Variants in SERPINI1 observed in about 807,000 individuals in gnomAD.
SERPINI1 encodes serpin family I member 1.
A neutral mutation model predicts 41.1 loss-of-function variants in SERPINI1; 19 were observed. That is an observed-to-expected ratio of 0.46 (90% CI 0.32 to 0.68). SERPINI1 has a LOEUF of 0.68. SERPINI1 is among the 30% of genes least tolerant of loss of function. The pLI is 0.03. For missense variants in SERPINI1, 460 were observed against 479.2 expected, an observed-to-expected ratio of 0.96 and a Z score of 0.37; for synonymous variants, 138 against 156.6, an observed-to-expected ratio of 0.88 and a Z score of 0.89.
intron 5 of SERPINI1, among the ~76,000 whole-genome samples, chr3:167,798,767 T>A (rs1727796218): frequency 6.6e-6 from 1 of 152,100 alleles, no homozygotes; most frequent in African/African-American, 2.4e-5. Context: ...TTTTCTCACT[T>A]ATAAGTGGGA....
chr3:167,804,205 G>C (rs2108565576), intron 5 of SERPINI1, among the ~76,000 whole-genome samples: 1 of 152,206 alleles, frequency 6.6e-6, no homozygotes, highest in East Asian at 1.9e-4. Flanking sequence ...TTAGCACTCA[G>C]TTTAGTTTGT....
In SERPINI1 at chr3:167,764,746, G is replaced by A. The variant is rs1025624496; in HGVS notation, c.-18-24365G>A. On this transcript the variant is annotated intron_variant, in intron 1 of 8. Transcript: ENST00000446050. The stretch of plus-strand genomic sequence containing the variant: ...GACAAGGCAAGTCCCTTCTACCTAT[G>A]AGCTTGTAAAATCAAAAGCAGGTTA... 2.0e-5 allele frequency among the ~76,000 whole-genome samples: 3 copies of A among 152,188 alleles called. No homozygotes were observed. The East Asian group carries it at 5.8e-4, about 29-fold the overall frequency.
chr3:167,792,558 G>T (rs777559077), intron 3 of SERPINI1, 32 bp from the exon 4 acceptor site: 15 of 1,589,128 alleles, frequency 9.4e-6, no homozygotes, highest in Admixed American at 1.7e-5. Context: ...AGTTTAACAT[G>T]AATTTTTATC....
At chr3:167,740,405 C>T (rs1247191849) in intron 1 of SERPINI1, among the ~76,000 whole-genome samples, 2 of 152,160 alleles carry the variant, frequency 1.3e-5, no homozygotes, top group Non-Finnish European at 2.9e-5. Context: ...TCACCAGATA[C>T]TTAGTATCTT....
At chr3:167,804,070 T>C (rs1451312191) in intron 5 of SERPINI1, among the ~76,000 whole-genome samples, 1 of 152,204 alleles carries the variant, frequency 6.6e-6, no homozygotes, top group Non-Finnish European at 1.5e-5. Flanking sequence ...ACATTCTGTA[T>C]TTTCTTACTC....
intron 7 of SERPINI1, among the ~76,000 whole-genome samples, chr3:167,823,931 T>C (rs1394340214): frequency 6.6e-6 from 1 of 152,180 alleles, no homozygotes; most frequent in East Asian, 1.9e-4. Context: ...AGCCCAGTCA[T>C]AGGATACCTC....
chr3:167,823,899 G>A (rs1255040073), intron 7 of SERPINI1, among the ~76,000 whole-genome samples: 1 of 152,142 alleles, frequency 6.6e-6, no homozygotes, highest in Non-Finnish European at 1.5e-5. Context: ...ATCTTATAAT[G>A]AGGATCTCAG....
chr3:167,746,731 A>G (rs1471794305), intron 1 of SERPINI1, among the ~76,000 whole-genome samples: 3 of 152,238 alleles, frequency 2.0e-5, no homozygotes, highest in Admixed American at 6.5e-5. Context: ...TAGGATGACT[A>G]AAGTCAAAGA....
At position 167,790,467 on chromosome 3, in the gene SERPINI1, A is replaced by T. The variant is rs1315511320; in HGVS notation, c.346A>T (p.Asn116Tyr). The change falls in exon 3 of 9, where the codon AAT becomes TAT. Residue 116 changes from asparagine (N) to tyrosine (Y), a missense_variant. Coordinates refer to ENST00000446050, the MANE Select transcript of SERPINI1 (RefSeq NM_001122752.2). ...MKIANSLFVQ[N>Y]GFHVNEEFLQ... Reference sequence around the variant, plus strand: ...AATTGCCAATTCCTTGTTTGTGCAAAATGGATTTCATGTCAATGAGGAGTT... The same window carrying T: ...AATTGCCAATTCCTTGTTTGTGCAATATGGATTTCATGTCAATGAGGAGTT... 2 of 1,614,124 alleles carry T rather than the reference A, an allele frequency of 1.2e-6. No homozygotes were observed. Among genetic ancestry groups the T allele is most frequent in the Non-Finnish European group, 1.7e-6 (2 of 1,179,964 alleles).
chr3:167,811,047 C>CTGT (rs1442674159), intron 6 of SERPINI1, among the ~76,000 whole-genome samples: 1 of 152,028 alleles, frequency 6.6e-6, no homozygotes, highest in Admixed American at 6.6e-5. Context: ...AGTTCTCTTG[C>CTGT]TGTTTCTACC....
intron 1 of SERPINI1, among the ~76,000 whole-genome samples, chr3:167,773,045 C>G (rs1435778747): frequency 6.7e-6 from 1 of 149,912 alleles, no homozygotes; most frequent in Non-Finnish European, 1.5e-5. Context: ...GTGCTTAAGA[C>G]AAGAAGCAAA....
chr3:167,785,380 A>G (rs975860983), intron 1 of SERPINI1, among the ~76,000 whole-genome samples: 4 of 152,248 alleles, frequency 2.6e-5, no homozygotes, highest in African/African-American at 9.6e-5. Context: ...GTCAAACAGC[A>G]TGATAGCCAA....
chr3:167,779,909 A>G (rs1394952839), intron 1 of SERPINI1, among the ~76,000 whole-genome samples: 3 of 152,170 alleles, frequency 2.0e-5, no homozygotes, highest in African/African-American at 7.2e-5. Flanking sequence ...GAAAGAGAAA[A>G]AGGAGAAAGG....
intron 7 of SERPINI1, among the ~76,000 whole-genome samples, chr3:167,823,395 C>T (rs1308278614): frequency 6.6e-6 from 1 of 152,188 alleles, no homozygotes; most frequent in East Asian, 1.9e-4. Context: ...CCCATTTAAA[C>T]ATTTTTCTTC....
chr3:167,801,455 G>C (rs1352131045), intron 5 of SERPINI1, among the ~76,000 whole-genome samples: 1 of 151,836 alleles, frequency 6.6e-6, no homozygotes, highest in Non-Finnish European at 1.5e-5. Context: ...GTTGTTGTTG[G>C]AATTATAGTG....
At chr3:167,744,881 C>A (rs1349175963) in intron 1 of SERPINI1, among the ~76,000 whole-genome samples, 20 of 131,820 alleles carry the variant, frequency 1.5e-4, no homozygotes, top group Non-Finnish European at 2.7e-4. Context: ...ATATATATAT[C>A]AACTGAATAG....
chr3:167,823,967 C>T (rs1049505915), intron 7 of SERPINI1, among the ~76,000 whole-genome samples: 4 of 152,170 alleles, frequency 2.6e-5, no homozygotes, highest in African/African-American at 4.8e-5. Context: ...GTTATATTTT[C>T]CCTTTAATCA....
At chr3:167,753,746 C>T (rs990201572) in intron 1 of SERPINI1, among the ~76,000 whole-genome samples, 1 of 152,082 alleles carries the variant, frequency 6.6e-6, no homozygotes, top group Admixed American at 6.6e-5. Flanking sequence ...TAAATCTTGC[C>T]TAGAACCAAT....
At chr3:167,742,359 A>T (rs1391450872) in intron 1 of SERPINI1, among the ~76,000 whole-genome samples, 1 of 152,132 alleles carries the variant, frequency 6.6e-6, no homozygotes, top group Non-Finnish European at 1.5e-5. Context: ...AACAATAGGG[A>T]TTTATTTTTC....
Sources: allele counts gnomAD v4.1 joint callset (sites outside exome capture counted in the v4.1 genomes callset), GRCh38; gene constraint gnomAD v4.1.1; transcripts MANE v1.5; gene names NCBI Gene and HGNC (gene_info 2026-07-23, HGNC 2026-07-21).